Variants in PSMB1 observed in about 807,000 individuals in gnomAD.
PSMB1 encodes proteasome subunit beta type-1.
Under a neutral mutation model 25.4 loss-of-function variants are expected in PSMB1, and 7 were observed. The ratio of observed to expected loss-of-function variants is 0.28; its 90% CI spans 0.16 to 0.52. The LOEUF is 0.52. Among genes scored for constraint, PSMB1 ranks in the 20% least tolerant of loss-of-function variants. The pLI is 0.97. For synonymous variants in PSMB1, 119 were observed against 115.0 expected, an observed-to-expected ratio of 1.03 and a Z score of -0.22; for missense variants, 284 against 302.2, an observed-to-expected ratio of 0.94 and a Z score of 0.45.
At chr6:170,543,569 C>A in intron 4 of PSMB1, 32 bp downstream of exon 4, 2 of 1,572,366 alleles carry the variant, frequency 1.3e-6, no homozygotes, top group South Asian at 1.1e-5. Context: ...AACTCCTCCC[C>A]CCCACCATTT....
In PSMB1 at chr6:170,549,100, T is replaced by C. The variant is rs753298741; in HGVS notation, c.127A>G (p.Ile43Val). The C allele has an allele frequency of 1.7e-5, 28 of 1,612,180 alleles. No individual in the cohort carries two copies. Among genetic ancestry groups the C allele is most frequent in the Middle Eastern group, 1.6e-4 (1 of 6,076 alleles). ...YVFNGGTILAIAGEDFAIVAS... is the reference protein window; with the variant it reads ...YVFNGGTILAVAGEDFAIVAS... ...ACAATTGCAAAATCTTCTCCAGCAA[T>C]TGCCAGTATAGTACTGAGGAAAAAA... The change falls in exon 2 of 6, where the codon ATT (isoleucine) becomes GTT (valine). Residue 43 changes from isoleucine (I) to valine (V), a missense_variant. Physicochemically the swap from Ile to Val is conservative, Grantham distance 29. Transcript: ENST00000262193.
At chr6:170,544,747 A>G (rs1778796988) in intron 3 of PSMB1, among the ~76,000 whole-genome samples, 1 of 152,238 alleles carries the variant, frequency 6.6e-6, no homozygotes, top group South Asian at 2.1e-4. Context: ...GTAAAATTAA[A>G]TAATGACAGT....
chr6:170,544,012 G>C (rs1275885782), intron 3 of PSMB1, among the ~76,000 whole-genome samples: 1 of 152,190 alleles, frequency 6.6e-6, no homozygotes. Context: ...GGCACATGAA[G>C]TGGCCTAAGG....
At chr6:170,537,818 G>A (rs545176525) in intron 4 of PSMB1, among the ~76,000 whole-genome samples, 2 of 152,300 alleles carry the variant, frequency 1.3e-5, no homozygotes, top group Admixed American at 1.3e-4. Flanking sequence ...AGAACACAGA[G>A]AGAGATGGTG....
chr6:170,537,381 C>G, intron 4 of PSMB1, 41 bp from the exon 5 acceptor site: 1 of 1,477,360 alleles, frequency 6.8e-7, no homozygotes. Context: ...GGTATCCAAT[C>G]ACAATCCCAA....
intron 4 of PSMB1, among the ~76,000 whole-genome samples, chr6:170,539,184 C>T (rs1015752566): frequency 3.3e-5 from 5 of 152,106 alleles, no homozygotes; most frequent in African/African-American, 9.7e-5. Context: ...CCAAAAAGCA[C>T]AATCATTTCA....
chr6:170,535,438 T>C, intron 5 of PSMB1, 33 bp from the exon 6 acceptor site: 2 of 1,565,978 alleles, frequency 1.3e-6, no homozygotes, highest in Non-Finnish European at 1.8e-6. Flanking sequence ...TGAGATGTCA[T>C]GTGACAGTGA....
At chr6:170,551,346 G>A (rs947830970) in intron 1 of PSMB1, among the ~76,000 whole-genome samples, 3 of 152,142 alleles carry the variant, frequency 2.0e-5, no homozygotes, top group East Asian at 1.9e-4. Context: ...ATGAAAGAGT[G>A]CTGAGCGATA....
chr6:170,535,963 T>G (rs1302178682), intron 5 of PSMB1, among the ~76,000 whole-genome samples: 3 of 152,106 alleles, frequency 2.0e-5, no homozygotes, highest in Non-Finnish European at 4.4e-5. Context: ...TTCAGAAAAC[T>G]GAGCAGGAGG....
chr6:170,536,979 G>C (rs2114974259), intron 5 of PSMB1, among the ~76,000 whole-genome samples: 1 of 152,260 alleles, frequency 6.6e-6, no homozygotes, highest in South Asian at 2.1e-4. Flanking sequence ...AAAAGAGTTG[G>C]AAGCCATGAG....
At chr6:170,537,417 A>G (rs756083856) in intron 4 of PSMB1, 77 bp from the exon 5 acceptor site, 4 of 1,181,884 alleles carry the variant, frequency 3.4e-6, no homozygotes, top group Non-Finnish European at 3.7e-6. Flanking sequence ...AATCAGGTCA[A>G]AACGTGACAC....
chr6:170,546,077 GT>G, intron 3 of PSMB1, 25 bp downstream of exon 3: 1 of 1,573,246 alleles, frequency 6.4e-7, no homozygotes, highest in Non-Finnish European at 8.7e-7. Flanking sequence ...ATTTAAAATA[GT>G]GTAGAAATGT....
At chr6:170,545,249 G>A (rs1275197167) in intron 3 of PSMB1, among the ~76,000 whole-genome samples, 1 of 152,046 alleles carries the variant, frequency 6.6e-6, no homozygotes, top group African/African-American at 2.4e-5. Context: ...TCAGGAAGGG[G>A]TGTGTATTAT....
chr6:170,539,959 C>A (rs1457113665), intron 4 of PSMB1, among the ~76,000 whole-genome samples: 1 of 150,966 alleles, frequency 6.6e-6, no homozygotes, highest in African/African-American at 2.5e-5. Context: ...CTTGATAATA[C>A]ATAATGTATA....
intron 1 of PSMB1, among the ~76,000 whole-genome samples, chr6:170,550,754 G>A (rs539840145): frequency 2.6e-5 from 4 of 152,144 alleles, no homozygotes; most frequent in East Asian, 3.9e-4. Flanking sequence ...TTATATCTAC[G>A]CAAATGTTTT....
At position 170,553,283 on chromosome 6, in the gene PSMB1, G is replaced by A. The variant is rs752789293; in HGVS notation, c.-41C>T. 2 of 1,466,914 alleles carry A rather than the reference G, an allele frequency of 1.4e-6. No homozygotes were observed. The highest frequency in any genetic ancestry group is 1.4e-5 in the African/African-American group (1 of 72,252). 90.9% of individuals were successfully genotyped at this position (1,466,914 alleles called of 1,614,324 possible). On this transcript the variant is annotated 5_prime_UTR_variant, in exon 1 of 6. Coordinates refer to ENST00000262193, the MANE Select transcript of PSMB1 (RefSeq NM_002793.4). ...GCGGATCCGACACTTGCTGTCTCACGGCGAGATGGCTGCCTTGACCGGACG... is the reference window on the plus strand; with the variant it reads ...GCGGATCCGACACTTGCTGTCTCACAGCGAGATGGCTGCCTTGACCGGACG...
chr6:170,547,624 T>C (rs1778835706), intron 2 of PSMB1, among the ~76,000 whole-genome samples: 1 of 152,194 alleles, frequency 6.6e-6, no homozygotes, highest in South Asian at 2.1e-4. Context: ...AAGGCTTTAC[T>C]GCCTTTACTG....
intron 1 of PSMB1, among the ~76,000 whole-genome samples, chr6:170,552,033 T>G (rs555677310): frequency 2.4e-4 from 36 of 152,352 alleles, no homozygotes; most frequent in African/African-American, 8.2e-4. Context: ...AAATGTGCAT[T>G]TATATTTCAA....
Position 170,553,212 on chromosome 6 carries a change from G to A in PSMB1, c.31C>T (p.Pro11Ser). The stretch of plus-strand genomic sequence containing the variant: ...GGTTCCATCCCCAAGTCTCTGCCAG[G>A]AGCCGAATACATGGCTGTAGAGGAC... MLSSTAMYSA[P>S]GRDLGMEPHR... Residue 11 changes from proline to serine, a missense_variant, in exon 1 of 6, where the codon CCT (proline) becomes TCT (serine). By Grantham distance (74) the Pro-to-Ser change is moderately conservative (BLOSUM62 -1). Transcript: ENST00000262193. 1 of 1,612,940 alleles carries A rather than the reference G, an allele frequency of 6.2e-7. No individual in the cohort carries two copies. The highest frequency in any genetic ancestry group is 8.5e-7 in the Non-Finnish European group (1 of 1,179,448).
Sources: allele counts gnomAD v4.1 joint callset (sites outside exome capture counted in the v4.1 genomes callset), GRCh38; gene constraint gnomAD v4.1.1; transcripts MANE v1.5; gene names NCBI Gene and HGNC (gene_info 2026-07-23, HGNC 2026-07-21).